ANKRD16: variants seen among roughly 807,000 people sequenced by gnomAD.
ANKRD16 encodes the protein ankyrin repeat domain 16, also known as ankyrin repeat domain-containing protein 16.
ANKRD16 carries 35 observed loss-of-function variants against 37.9 expected under a neutral mutation model. The ratio of observed to expected loss-of-function variants is 0.92; its 90% CI spans 0.71 to 1.23. The LOEUF (loss-of-function observed/expected upper bound fraction) is 1.23, where lower values mean the gene tolerates loss of function less well. Among genes scored for constraint, ANKRD16 ranks in the 50% most tolerant of loss-of-function variants. ANKRD16 has a pLI of 0.00. For missense variants in ANKRD16, 480 were observed against 469.9 expected, an observed-to-expected ratio of 1.02 and a Z score of -0.20; for synonymous variants, 206 against 197.2, an observed-to-expected ratio of 1.04 and a Z score of -0.37.
Position 5,889,275 on chromosome 10 carries a change from T to G in ANKRD16, c.80A>C (p.Gln27Pro). The change falls in exon 1 of 8, where the codon CAG becomes CCG. Residue 27 changes from glutamine (Q) to proline (P), a missense_variant. Gln to Pro is a moderately conservative substitution (Grantham distance 76). Coordinates refer to ENST00000380094, the MANE Select transcript of ANKRD16 (RefSeq NM_019046.3). ...CGGCCCCGGGCAGCCCCCGGCCGCC[T>G]GCAGCTCCTCCTTCAGGGCGCGCAG... ...GRLRALKEEL[Q>P]AAGGCPGPAG... 1 of 1,448,310 alleles carries G rather than the reference T, an allele frequency of 6.9e-7. No individual in the cohort carries two copies. The allele number at this position is 1,448,310 out of a possible 1,614,324, so 89.7% of individuals were successfully genotyped here.
rs1842182012 is a variant in ANKRD16, at chr10:5,876,149, G to A, written c.*33+1948C>T. ...TCCACCCACCTCAGCCTCCCAAAGT[G>A]TTGGGATTACAGGCATGAGCCACCG... On this transcript the variant is annotated intron_variant, in intron 7 of 7. Transcript: ENST00000380094. 2.0e-5 allele frequency among the ~76,000 whole-genome samples: 3 copies of A among 152,150 alleles called. No homozygotes were observed. In the South Asian group the frequency reaches 6.2e-4, roughly 32 times the overall value.
In ANKRD16 at chr10:5,878,031, G is replaced by A. The variant is rs1842211758; in HGVS notation, c.*33+66C>T. ...AGGGAAGGGAGGAAGTGGAGGAGAT[G>A]GAAAACTGGCTTCCAACTGGTTTCG... is the stretch of plus-strand genomic sequence containing the variant. On this transcript the variant is annotated intron_variant, in intron 7 of 7. Transcript: ENST00000380094. The surrounding 1 kb of genome is among the most constrained non-coding windows in gnomAD (Gnocchi z 5.1). The A allele has an allele frequency of 6.7e-7, 1 of 1,494,724 alleles. No individual in the cohort carries two copies. The highest frequency in any genetic ancestry group is 1.4e-5 in the African/African-American group (1 of 71,978). The allele number at this position is 1,494,724 out of a possible 1,614,324, so 92.6% of individuals were successfully genotyped here.
intron 1 of ANKRD16, 152 bp from the exon 2 acceptor site, chr10:5,888,219 C>A: frequency 1.5e-6 from 1 of 664,962 alleles, no homozygotes; most frequent in Non-Finnish European, 2.6e-6. Flanking sequence ...TGACCGGCAA[C>A]CTCTGTGCCT....
Position 5,887,884 on chromosome 10 carries a change from T to G in ANKRD16, c.498A>C (p.Thr166=). The G allele has an allele frequency of 6.2e-7, 1 of 1,614,164 alleles. No homozygotes were observed. The change falls in exon 2 of 8, where the codon ACA becomes ACC. Residue 166 remains threonine, a synonymous_variant. Transcript: ENST00000380094. ...LLTVCPGAWK[T]ESKIRRTPLH... is the part of the protein sequence containing the mutation. Reference sequence around the variant, plus strand: ...GAGGAGTCCTTCTAATTTTGCTCTCTGTCTTCCAGGCACCTGGGCAAACAG... The same window carrying G: ...GAGGAGTCCTTCTAATTTTGCTCTCGGTCTTCCAGGCACCTGGGCAAACAG...
rs1842212131 is a variant in ANKRD16 at position 5,878,065 on chromosome 10, G to A, written c.*33+32C>T. ...GCTTCCAACTGGTTTCGCTGAATCT[G>A]TGACTGACTTAAGAAGCAGGATATG... On this transcript the variant is annotated intron_variant, in intron 7 of 7. Coordinates refer to ENST00000380094, the MANE Select transcript of ANKRD16 (RefSeq NM_019046.3). This position sits in a 1 kb window ranked among gnomAD's most constrained non-coding sequence, Gnocchi z 5.1. The A allele has an allele frequency of 6.4e-6, 10 of 1,556,760 alleles. No homozygotes were observed. The highest frequency in any genetic ancestry group is 8.7e-6 in the Non-Finnish European group (10 of 1,150,092).
intron 2 of ANKRD16, among the ~76,000 whole-genome samples, chr10:5,887,573 G>T (rs962097507): frequency 1.3e-5 from 2 of 152,072 alleles, no homozygotes; most frequent in Admixed American, 6.5e-5. Flanking sequence ...TAGTAGAGAC[G>T]GCGTTTCACC....
At chr10:5,888,123 G>A (rs1842477060) in intron 1 of ANKRD16, 56 bp from the exon 2 acceptor site, 2 of 1,516,442 alleles carry the variant, frequency 1.3e-6, no homozygotes, top group African/African-American at 1.4e-5. Context: ...TTAGAAGCCA[G>A]GGGCCAGGTC....
intron 7 of ANKRD16, among the ~76,000 whole-genome samples, chr10:5,876,274 T>A (rs1842184229): frequency 6.6e-6 from 1 of 152,158 alleles, no homozygotes; most frequent in Non-Finnish European, 1.5e-5. Context: ...ATTACAAAGG[T>A]GCGTGGAATC....
rs1359142836 is a variant in ANKRD16 at position 5,885,768 on chromosome 10, G to C, written c.536-3C>G. On this transcript the variant is annotated splice_polypyrimidine_tract_variant and splice_region_variant and intron_variant, in intron 2 of 7. Transcript: ENST00000380094. ...TGCCTCCAAATGGCCATGCATTGCT[G>C]GGAGGAGAAAGAAAGCTGAGAATTA... The C allele has an allele frequency of 1.3e-6, 2 of 1,598,730 alleles. No individual in the cohort carries two copies. The highest frequency in any genetic ancestry group is 1.8e-5 in the Admixed American group (1 of 55,094).
intron 5 of ANKRD16, 88 bp downstream of exon 5, chr10:5,882,918 G>T: frequency 6.9e-7 from 1 of 1,439,206 alleles, no homozygotes; most frequent in Non-Finnish European, 9.4e-7. Flanking sequence ...TAGAGATGGG[G>T]TCAAAGAAAC....
rs890277624 is a variant in ANKRD16 at position 5,868,806 on chromosome 10, G to A, written c.*34-6115C>T. 1.3e-5 allele frequency among the ~76,000 whole-genome samples: 2 copies of A among 152,296 alleles called. No individual in the cohort carries two copies. The highest frequency in any genetic ancestry group is 2.1e-4 in the South Asian group (1 of 4,832). ...TCATTCCTTAAGTCAGCAAGACCAC[G>A]AACCCACCAGGAGGAACAAACAACT... is the stretch of plus-strand genomic sequence containing the variant. On this transcript the variant is annotated intron_variant, in intron 7 of 7. Transcript: ENST00000380094. The surrounding 1 kb of genome is among the most constrained non-coding windows in gnomAD (Gnocchi z 4.9).
At chr10:5,882,484 C>T (rs1252365726) in intron 5 of ANKRD16, among the ~76,000 whole-genome samples, 1 of 135,186 alleles carries the variant, frequency 7.4e-6, no homozygotes, top group Non-Finnish European at 1.6e-5. Flanking sequence ...AACAAACAAA[C>T]CAAAAAAAAA....
chr10:5,865,930 C>T lies in ANKRD16; in HGVS notation c.*34-3239G>A, dbSNP rs1228415172. 6.6e-6 allele frequency among the ~76,000 whole-genome samples: 1 copy of T among 152,200 alleles called. No homozygotes were observed. The highest frequency in any genetic ancestry group is 1.5e-5 in the Non-Finnish European group (1 of 68,032). On this transcript the variant is annotated intron_variant, in intron 7 of 7. Coordinates refer to ENST00000380094, the MANE Select transcript of ANKRD16 (RefSeq NM_019046.3). The surrounding 1 kb of genome is among the most constrained non-coding windows in gnomAD (Gnocchi z 4.7). The stretch of plus-strand genomic sequence containing the variant: ...AGCTCTTGGGGTCCTTACTCAGACT[C>T]ATGGGACAACCCCACAACCAGTGGC...
chr10:5,887,278 A>C (rs1842440003), intron 2 of ANKRD16, among the ~76,000 whole-genome samples: 1 of 152,214 alleles, frequency 6.6e-6, no homozygotes, highest in African/African-American at 2.4e-5. Flanking sequence ...AGGGAGGATA[A>C]CACAGATACA....
chr10:5,867,633 A>AT (rs1177085003), intron 7 of ANKRD16, among the ~76,000 whole-genome samples: 1 of 152,222 alleles, frequency 6.6e-6, no homozygotes, highest in Non-Finnish European at 1.5e-5. Context: ...ATCTTATGGA[A>AT]ATCAGACCCT....
chr10:5,885,835 C>A, intron 2 of ANKRD16, 70 bp from the exon 3 acceptor site: 1 of 1,501,830 alleles, frequency 6.7e-7, no homozygotes, highest in Non-Finnish European at 9.0e-7. Context: ...TGCCTCCTGG[C>A]TTTGCTCTCT....
chr10:5,881,567 C>A (rs963724888), intron 5 of ANKRD16, among the ~76,000 whole-genome samples: 2 of 149,062 alleles, frequency 1.3e-5, no homozygotes, highest in South Asian at 4.3e-4. Context: ...CGGGTTCAAG[C>A]GATCCTTCTG....
In ANKRD16 at chr10:5,889,093, G is replaced by C; in HGVS notation, c.262C>G (p.Arg88Gly). The C allele has an allele frequency of 5.7e-6, 9 of 1,585,500 alleles. No individual in the cohort carries two copies. The highest frequency in any genetic ancestry group is 6.8e-6 in the Non-Finnish European group (8 of 1,172,766). Reference protein sequence around the residue: ...AASMGHRDCVRYLLGRGAAVD... With the variant: ...AASMGHRDCVGYLLGRGAAVD... Reference sequence around the variant, plus strand: ...GCTGCCCCCCGGCCCAGCAGGTAGCGCACGCAGTCTCGGTGGCCCATGGAG... The same window carrying C: ...GCTGCCCCCCGGCCCAGCAGGTAGCCCACGCAGTCTCGGTGGCCCATGGAG... The change falls in exon 1 of 8, where the codon CGC becomes GGC. Residue 88 changes from arginine (R) to glycine (G), a missense_variant. Physicochemically the swap from Arg to Gly is moderately radical, Grantham distance 125. Coordinates refer to ENST00000380094, the MANE Select transcript of ANKRD16 (RefSeq NM_019046.3).
In ANKRD16 at chr10:5,871,360, C is replaced by A. The variant is rs998275474; in HGVS notation, c.*33+6737G>T. Among the ~76,000 whole-genome samples the A allele has an allele frequency of 1.3e-5, 2 of 151,574 alleles. No homozygotes were observed. The highest frequency in any genetic ancestry group is 2.9e-5 in the Non-Finnish European group (2 of 67,944). Reference sequence around the variant, plus strand: ...CGAGATTGAGCCATTGCACTCTAGCCTGGGCGACAGAGCTAGACTCCAACT... The same window carrying A: ...CGAGATTGAGCCATTGCACTCTAGCATGGGCGACAGAGCTAGACTCCAACT... On this transcript the variant is annotated intron_variant, in intron 7 of 7. Transcript: ENST00000380094. The surrounding 1 kb of genome is among the most constrained non-coding windows in gnomAD (Gnocchi z 4.5).
Sources: gnomAD v4.1 joint callset for allele counts (sites outside exome capture counted in the v4.1 genomes callset) on GRCh38, gnomAD v4.1.1 for gene constraint, Gnocchi (gnomAD v3.1) non-coding constraint, MANE v1.5 for transcripts, NCBI Gene and HGNC (gene_info 2026-07-23, HGNC 2026-07-21) for gene names.